PPP4R3B: variants seen among roughly 807,000 people sequenced by gnomAD.
The protein encoded by PPP4R3B is serine/threonine-protein phosphatase 4 regulatory subunit 3B.
A neutral mutation model predicts 95.4 loss-of-function variants in PPP4R3B; 52 were observed. The observed-to-expected ratio is 0.54, with a 90% confidence interval of 0.44 to 0.69. The LOEUF (loss-of-function observed/expected upper bound fraction) is 0.69. PPP4R3B is among the 30% of genes least tolerant of loss of function. The pLI, the probability that PPP4R3B is intolerant of heterozygous loss-of-function variation, is 0.00. For missense variants in PPP4R3B, 1,003 were observed against 1,005.9 expected (o/e 1.00, Z 0.04); for synonymous variants, 407 against 343.9 (o/e 1.18, Z -2.03).
chr2:55,612,983 C>T (rs1185425183), intron 2 of PPP4R3B, among the ~76,000 whole-genome samples: 2 of 151,766 alleles, frequency 1.3e-5, no homozygotes, highest in Non-Finnish European at 2.9e-5. Context: ...TGGTGGCTCA[C>T]ATCCATAATC....
At chr2:55,593,271 T>G (rs192865519) in intron 4 of PPP4R3B, among the ~76,000 whole-genome samples, 1 of 152,232 alleles carries the variant, frequency 6.6e-6, no homozygotes, top group Admixed American at 6.5e-5. Flanking sequence ...TAAAGTCTTA[T>G]GTCCCTATCA....
chr2:55,568,764 G>A (rs1393117615), intron 12 of PPP4R3B, among the ~76,000 whole-genome samples: 1 of 152,190 alleles, frequency 6.6e-6, no homozygotes. Context: ...ACGCAGTGAA[G>A]GCAGCTCAGA....
intron 2 of PPP4R3B, among the ~76,000 whole-genome samples, chr2:55,605,079 C>T (rs981293109): frequency 3.9e-5 from 6 of 152,052 alleles, no homozygotes; most frequent in Non-Finnish European, 5.9e-5. Flanking sequence ...TCAAGCGATC[C>T]GCCTGCCTCG....
chr2:55,581,686 T>C lies in PPP4R3B; in HGVS notation c.1246A>G (p.Ile416Val), dbSNP rs916707107. The change falls in exon 8 of 17, where the codon ATT (isoleucine) becomes GTT (valine). Residue 416 changes from isoleucine (I) to valine (V), a missense_variant. By Grantham distance (29) the Ile-to-Val change is conservative. Transcript: ENST00000616407. ...ATCATTTGTTCAATTACCACATTAA[T>C]AAGAAGAATATCCTGGTGGCAAAAC... ...AQQSDDDILL[I>V]NVVIEQMICD... The C allele has an allele frequency of 1.2e-6, 2 of 1,612,508 alleles. No individual in the cohort carries two copies. Among genetic ancestry groups the C allele is most frequent in the African/African-American group, 1.3e-5 (1 of 74,962 alleles).
rs185850346 is a variant in PPP4R3B, at chr2:55,594,971, C to G, written c.921+3445G>C. Among the ~76,000 whole-genome samples the G allele has an allele frequency of 4.0e-5, 6 of 151,266 alleles. No individual in the cohort carries two copies. In the East Asian group the frequency reaches 1.2e-3, roughly 29 times the overall value. On this transcript the variant is annotated intron_variant, in intron 4 of 16. Transcript: ENST00000616407. Reference sequence around the variant, plus strand: ...AACGTCGCAAAATGAAGTCGATTAGCTAGGCACTAAGTCAGAGATAGAATC... The same window carrying G: ...AACGTCGCAAAATGAAGTCGATTAGGTAGGCACTAAGTCAGAGATAGAATC...
intron 13 of PPP4R3B, among the ~76,000 whole-genome samples, chr2:55,567,582 A>G (rs1489553624): frequency 6.6e-6 from 1 of 152,020 alleles, no homozygotes; most frequent in Admixed American, 6.6e-5. Flanking sequence ...CACTCAGCTA[A>G]TTTCTGTATT....
rs527260279 is a variant in PPP4R3B at position 55,548,955 on chromosome 2, TAAG to T, written c.*953_*955del. On this transcript the variant is annotated 3_prime_UTR_variant, in exon 17 of 17. Transcript: ENST00000616407. The stretch of plus-strand genomic sequence containing the variant: ...TGTGCTGCATGCTGACTTTGACACT[TAAG>T]TAGCTTCTTGGATCAAAATGGCTTC... 31 of 152,766 alleles carry T rather than the reference TAAG, an allele frequency of 2.0e-4. No individual in the cohort carries two copies. Among genetic ancestry groups the T allele is most frequent in the African/African-American group, 7.0e-4 (29 of 41,564 alleles). The allele number at this position is 152,766 out of a possible 1,614,324, so 9.5% of individuals were successfully genotyped here.
chr2:55,605,797 T>C (rs374967132), intron 2 of PPP4R3B, among the ~76,000 whole-genome samples: 10 of 150,598 alleles, frequency 6.6e-5, no homozygotes, highest in South Asian at 2.1e-4. Context: ...TCCCAGCTAC[T>C]CAGTAGGCTG....
At chr2:55,603,617 T>C (rs1001286951) in intron 3 of PPP4R3B, among the ~76,000 whole-genome samples, 6 of 152,314 alleles carry the variant, frequency 3.9e-5, no homozygotes, top group Non-Finnish European at 7.4e-5. Flanking sequence ...CCTGGTACAG[T>C]ATGCATAAAC....
chr2:55,615,165 G>A lies in PPP4R3B; in HGVS notation c.198+286C>T, dbSNP rs1329009465. ...CCTTTAAACGTGACTCAGAATAAAAGGTTTCATGTACAAGGTATAGAAGAG... is the reference window on the plus strand; with the variant it reads ...CCTTTAAACGTGACTCAGAATAAAAAGTTTCATGTACAAGGTATAGAAGAG... On this transcript the variant is annotated intron_variant, in intron 2 of 16. Coordinates refer to ENST00000616407, the MANE Select transcript of PPP4R3B (RefSeq NM_001122964.3). The A allele has an allele frequency of 8.1e-5, 22 of 272,974 alleles. No individual in the cohort carries two copies. The South Asian group carries it at 1.1e-3, about 14-fold the overall frequency. The allele number at this position is 272,974 out of a possible 1,614,324, so 16.9% of individuals were successfully genotyped here. A position where few individuals can be genotyped will look rare whatever the true frequency, so the allele number is the denominator to read the frequency against.
At chr2:55,612,905 C>T (rs1331486558) in intron 2 of PPP4R3B, among the ~76,000 whole-genome samples, 1 of 150,520 alleles carries the variant, frequency 6.6e-6, no homozygotes, top group Non-Finnish European at 1.5e-5. Context: ...GAAATCGCAC[C>T]ACCACACTGC....
At chr2:55,604,231 T>C (rs1019522402) in intron 2 of PPP4R3B, among the ~76,000 whole-genome samples, 155 bp from the exon 3 acceptor site, 2 of 152,216 alleles carry the variant, frequency 1.3e-5, no homozygotes, top group Admixed American at 6.5e-5. Context: ...TAGTAATATA[T>C]TGGCAATACA....
At chr2:55,595,288 G>A (rs1428795703) in intron 4 of PPP4R3B, among the ~76,000 whole-genome samples, 2 of 150,950 alleles carry the variant, frequency 1.3e-5, no homozygotes, top group African/African-American at 2.4e-5. Flanking sequence ...GCCTCCCAAA[G>A]TGCTGGGATT....
At chr2:55,607,663 C>T (rs1693606160) in intron 2 of PPP4R3B, among the ~76,000 whole-genome samples, 1 of 152,102 alleles carries the variant, frequency 6.6e-6, no homozygotes, top group African/African-American at 2.4e-5. Flanking sequence ...TTTATGGAGG[C>T]TTCATTAAAC....
At chr2:55,614,404 T>C (rs920831515) in intron 2 of PPP4R3B, 2 of 152,190 alleles carry the variant, frequency 1.3e-5, no homozygotes, top group African/African-American at 2.4e-5. Context: ...AAGAATACTA[T>C]ACAGAGTTTA....
At chr2:55,567,829 C>T (rs527697765) in intron 13 of PPP4R3B, among the ~76,000 whole-genome samples, 4 of 152,220 alleles carry the variant, frequency 2.6e-5, no homozygotes, top group African/African-American at 9.6e-5. Context: ...CTGAAATGTC[C>T]ACATACACCA....
At position 55,581,713 on chromosome 2, in the gene PPP4R3B, A is replaced by G; in HGVS notation, c.1234-15T>C. 1 of 1,607,622 alleles carries G rather than the reference A, an allele frequency of 6.2e-7. No individual in the cohort carries two copies. Among genetic ancestry groups the G allele is most frequent in the Non-Finnish European group, 8.5e-7 (1 of 1,178,218 alleles). ...AGAAGAATATCCTGGTGGCAAAACA[A>G]AACAAAACAAAACATGTTTCCATTA... On this transcript the variant is annotated splice_polypyrimidine_tract_variant and intron_variant, in intron 7 of 16. Coordinates refer to ENST00000616407, the MANE Select transcript of PPP4R3B (RefSeq NM_001122964.3).
chr2:55,603,019 A>C (rs969321061), intron 3 of PPP4R3B, among the ~76,000 whole-genome samples: 1 of 148,398 alleles, frequency 6.7e-6, no homozygotes, highest in Non-Finnish European at 1.5e-5. Context: ...TAGTGGCATT[A>C]TCTTGGCTCA....
At chr2:55,606,214 T>C (rs1693368488) in intron 2 of PPP4R3B, among the ~76,000 whole-genome samples, 3 of 152,082 alleles carry the variant, frequency 2.0e-5, no homozygotes, top group Admixed American at 2.0e-4. Context: ...TATATTAGTA[T>C]ATTAATACAT....
Sources: gnomAD v4.1 joint callset for allele counts (sites outside exome capture counted in the v4.1 genomes callset) on GRCh38, gnomAD v4.1.1 for gene constraint, MANE v1.5 for transcripts, NCBI Gene and HGNC (gene_info 2026-07-23, HGNC 2026-07-21) for gene names.